The following CNTN5 variants were observed in gnomAD, a reference collection of about 807,000 sequenced individuals.
CNTN5 encodes the protein contactin-5.
CNTN5 carries 77 observed loss-of-function variants against 129.1 expected under a neutral mutation model. The observed-to-expected ratio is 0.60, with a 90% CI of 0.50 to 0.72. The LOEUF is 0.72. Ranked by LOEUF, CNTN5 falls within the 30% of genes least tolerant of loss-of-function variation. The pLI is 0.00. For missense variants in CNTN5, 1,478 were observed against 1,328.8 expected (o/e 1.11, Z -1.75); for synonymous variants, 509 against 465.6 (o/e 1.09, Z -1.20).
chr11:100,348,053 T>G (rs753817922), intron 23 of CNTN5, among the ~76,000 whole-genome samples: 6 of 152,072 alleles, frequency 3.9e-5, no homozygotes, highest in Non-Finnish European at 8.8e-5. Context: ...CTCTCAGTTT[T>G]TTTTTTAATA....
chr11:99,479,092 A>G (rs1945490221), intron 2 of CNTN5, among the ~76,000 whole-genome samples: 1 of 152,088 alleles, frequency 6.6e-6, no homozygotes, highest in Non-Finnish European at 1.5e-5. Flanking sequence ...ATTAAAATTC[A>G]TATGGCTTTT....
intron 2 of CNTN5, among the ~76,000 whole-genome samples, chr11:99,461,486 TA>T (rs897271302): frequency 4.2e-4 from 64 of 152,098 alleles, no homozygotes; most frequent in African/African-American, 1.5e-3. Context: ...CTAATTCACC[TA>T]AAAAAAATCT....
chr11:99,373,918 A>T (rs894921577), intron 2 of CNTN5, among the ~76,000 whole-genome samples: 4 of 152,168 alleles, frequency 2.6e-5, no homozygotes, highest in African/African-American at 9.7e-5. Flanking sequence ...CAGGAATTTA[A>T]CCATATGCTT....
At chr11:99,796,322 G>A (rs1945938459) in intron 3 of CNTN5, among the ~76,000 whole-genome samples, 1 of 152,256 alleles carries the variant, frequency 6.6e-6, no homozygotes, top group South Asian at 2.1e-4. Flanking sequence ...GCGTGGTGGA[G>A]TGCATACACA....
chr11:100,218,976 A>C (rs2138611617), intron 15 of CNTN5, among the ~76,000 whole-genome samples: 1 of 152,342 alleles, frequency 6.6e-6, no homozygotes, highest in Admixed American at 6.5e-5. Context: ...GAGGATATAA[A>C]GACCTCATTT....
At chr11:99,535,475 C>G (rs953727934) in intron 2 of CNTN5, among the ~76,000 whole-genome samples, 53 of 152,236 alleles carry the variant, frequency 3.5e-4, no homozygotes, top group Non-Finnish European at 4.6e-4. Flanking sequence ...AAATGGAACC[C>G]TCAAAATATT....
chr11:99,693,742 G>T (rs1243686257), intron 3 of CNTN5, among the ~76,000 whole-genome samples: 6 of 152,100 alleles, frequency 3.9e-5, no homozygotes, highest in South Asian at 4.1e-4. Context: ...TTGTTTCTTT[G>T]ATTTATAATA....
chr11:99,972,708 G>C (rs1951297735), intron 8 of CNTN5, among the ~76,000 whole-genome samples: 1 of 152,144 alleles, frequency 6.6e-6, no homozygotes, highest in Non-Finnish European at 1.5e-5. Flanking sequence ...AGGAGAACCA[G>C]GGTTTTCAAA....
chr11:99,430,563 A>C (rs1943321922), intron 2 of CNTN5, among the ~76,000 whole-genome samples: 1 of 151,084 alleles, frequency 6.6e-6, no homozygotes. Flanking sequence ...GCTGATTTTA[A>C]CCATGGGCCT....
At position 99,823,513 on chromosome 11, in the gene CNTN5, G is replaced by GA. The variant is rs764300047; in HGVS notation, c.277+3757dup. On this transcript the variant is annotated intron_variant, in intron 4 of 24. Transcript: ENST00000524871. ...TAAACAGATGCTACAGAGAAAATCT[G>GA]AAAAAAAAAGGCAAATGCTGCAATT... Among the ~76,000 whole-genome samples, 510 of 148,960 alleles carry GA rather than the reference G, an allele frequency of 3.4e-3. 2 individuals are homozygous for GA. The highest frequency in any genetic ancestry group is 0.021 in the Middle Eastern group (6 of 288).
chr11:100,027,645 G>C (rs1188881606), intron 9 of CNTN5, among the ~76,000 whole-genome samples: 1 of 151,984 alleles, frequency 6.6e-6, no homozygotes, highest in African/African-American at 2.4e-5. Context: ...CTCTTTCTCT[G>C]CACAGCTGTC....
chr11:99,573,166 G>A (rs1442716289), intron 3 of CNTN5, among the ~76,000 whole-genome samples: 1 of 149,014 alleles, frequency 6.7e-6, no homozygotes, highest in Non-Finnish European at 1.5e-5. Context: ...TTCCACCCAA[G>A]GAGTGTTTTT....
At chr11:99,536,784 C>T (rs1406833394) in intron 2 of CNTN5, among the ~76,000 whole-genome samples, 1 of 149,260 alleles carries the variant, frequency 6.7e-6, no homozygotes, top group Non-Finnish European at 1.5e-5. Flanking sequence ...GAAGTCCTGC[C>T]CAATAGAAAT....
chr11:99,766,848 A>G (rs1331363018), intron 3 of CNTN5, among the ~76,000 whole-genome samples: 1 of 152,104 alleles, frequency 6.6e-6, no homozygotes, highest in East Asian at 1.9e-4. Context: ...TGACTGGGAA[A>G]AAAAAGAACT....
At position 100,314,763 on chromosome 11, in the gene CNTN5, A is replaced by G. The variant is rs113223134; in HGVS notation, c.2730+6295A>G. Among the ~76,000 whole-genome samples, 25 of 152,218 alleles carry G rather than the reference A, an allele frequency of 1.6e-4. No homozygotes were observed. The South Asian group carries it at 2.7e-3, about 16-fold the overall frequency. ...CCTGATCTCCCTCCTGCAAGTTGCT[A>G]TCATTAGGCTCTCCCTTCCCACTTC... On this transcript the variant is annotated intron_variant, in intron 21 of 24. Transcript: ENST00000524871.
In CNTN5 at chr11:99,411,565, A is replaced by G. The variant is rs566391014; in HGVS notation, c.-71+86081A>G. ...AAAAAATTTTTTTAAAAAAATTAGA[A>G]AGAAGCTCTTTTTATCACAGCTCTT... On this transcript the variant is annotated intron_variant, in intron 2 of 24. Coordinates refer to ENST00000524871, the MANE Select transcript of CNTN5 (RefSeq NM_014361.4). Among the ~76,000 whole-genome samples, 30 of 152,300 alleles carry G rather than the reference A, an allele frequency of 2.0e-4. No individual in the cohort carries two copies. The East Asian group carries it at 4.6e-3, about 24-fold the overall frequency.
chr11:99,182,164 A>G (rs1275146774), intron 1 of CNTN5, among the ~76,000 whole-genome samples: 1 of 152,202 alleles, frequency 6.6e-6, no homozygotes, highest in Non-Finnish European at 1.5e-5. Context: ...GAAAACAGTG[A>G]CAATGGCAGT....
chr11:100,223,276 T>A (rs915635956), intron 15 of CNTN5, among the ~76,000 whole-genome samples: 2 of 151,880 alleles, frequency 1.3e-5, no homozygotes. Context: ...TTCAATACCC[T>A]CAGAAGTTCA....
intron 1 of CNTN5, among the ~76,000 whole-genome samples, chr11:99,245,184 C>T (rs927035028): frequency 2.6e-5 from 4 of 152,110 alleles, no homozygotes; most frequent in Admixed American, 6.5e-5. Flanking sequence ...TACTGATGGT[C>T]GTTCTTTGAA....
Sources: gnomAD v4.1 joint callset for allele counts (sites outside exome capture counted in the v4.1 genomes callset) on GRCh38, gnomAD v4.1.1 for gene constraint, MANE v1.5 for transcripts, NCBI Gene and HGNC (gene_info 2026-07-23, HGNC 2026-07-21) for gene names.